The following ANKS1B variants were observed in gnomAD, a reference collection of about 807,000 sequenced individuals.
ANKS1B encodes the protein ankyrin repeat and sterile alpha motif domain containing 1B.
A neutral mutation model predicts 148.3 loss-of-function variants in ANKS1B; 36 were observed. The observed-to-expected ratio is 0.24, with a 90% confidence interval of 0.19 to 0.32. The LOEUF (loss-of-function observed/expected upper bound fraction) is 0.32. ANKS1B is among the 10% of genes least tolerant of loss of function. The pLI is 1.00. For missense variants in ANKS1B, 1,157 were observed against 1,542.6 expected (o/e 0.75, Z 4.19); for synonymous variants, 542 against 560.8 (o/e 0.97, Z 0.47).
At chr12:99,462,691 T>C (rs768834533) in intron 10 of ANKS1B, among the ~76,000 whole-genome samples, 5 of 152,204 alleles carry the variant, frequency 3.3e-5, no homozygotes, top group Admixed American at 6.5e-5. Flanking sequence ...GTTTGTATAC[T>C]TGTCTCCTCC....
At chr12:99,620,252 T>C (rs1161335060) in intron 9 of ANKS1B, among the ~76,000 whole-genome samples, 17 of 152,116 alleles carry the variant, frequency 1.1e-4, no homozygotes, top group Admixed American at 1.1e-3. Flanking sequence ...AAATCCTAGA[T>C]GCATGAGAAT....
At chr12:99,389,370 C>G (rs1017878554) in intron 12 of ANKS1B, among the ~76,000 whole-genome samples, 1 of 152,154 alleles carries the variant, frequency 6.6e-6, no homozygotes, top group African/African-American at 2.4e-5. Context: ...GATAGAAGAT[C>G]TGAATAGAGA....
intron 12 of ANKS1B, among the ~76,000 whole-genome samples, chr12:99,248,345 T>C (rs2074134481): frequency 6.6e-6 from 1 of 152,154 alleles, no homozygotes; most frequent in Non-Finnish European, 1.5e-5. Flanking sequence ...TGCTTGATTT[T>C]TCCAAAGAGA....
At chr12:99,558,446 T>C (rs760204497) in intron 9 of ANKS1B, among the ~76,000 whole-genome samples, 10 of 152,006 alleles carry the variant, frequency 6.6e-5, no homozygotes, top group Non-Finnish European at 1.3e-4. Context: ...TAAAGCAATG[T>C]GTGTGTGTCA....
At chr12:99,728,024 A>G (rs2058777543) in intron 8 of ANKS1B, among the ~76,000 whole-genome samples, 1 of 152,188 alleles carries the variant, frequency 6.6e-6, no homozygotes, top group Non-Finnish European at 1.5e-5. Flanking sequence ...CAAAACCATA[A>G]AAACCCTAGA....
intron 9 of ANKS1B, among the ~76,000 whole-genome samples, chr12:99,546,366 C>T (rs1004419769): frequency 6.6e-6 from 1 of 152,034 alleles, no homozygotes; most frequent in Admixed American, 6.6e-5. Context: ...AGACATTTTC[C>T]ATAAAAATTA....
At chr12:99,642,652 C>T (rs1389332932) in intron 9 of ANKS1B, among the ~76,000 whole-genome samples, 3 of 152,014 alleles carry the variant, frequency 2.0e-5, no homozygotes, top group Non-Finnish European at 2.9e-5. Context: ...CCCATCTCTA[C>T]TAAAAATACA....
intron 15 of ANKS1B, among the ~76,000 whole-genome samples, chr12:99,142,374 T>C (rs1228311961): frequency 6.6e-6 from 1 of 152,058 alleles, no homozygotes; most frequent in African/African-American, 2.4e-5. Context: ...TAAGGCCTGA[T>C]TGTATTTTTC....
chr12:99,608,390 G>A lies in ANKS1B; in HGVS notation c.1272+46677C>T, dbSNP rs116943878. 2.0e-5 allele frequency among the ~76,000 whole-genome samples: 3 copies of A among 152,228 alleles called. No homozygotes were observed. In the East Asian group the frequency reaches 5.8e-4, roughly 29 times the overall value. On this transcript the variant is annotated intron_variant, in intron 9 of 26. Coordinates refer to ENST00000683438, the MANE Select transcript of ANKS1B (RefSeq NM_001352186.2). ...GTCAAACACCTGAGGCTTCTCTTAT[G>A]TGAGGGCACAAGAAACAAAGAGGAT...
intron 9 of ANKS1B, among the ~76,000 whole-genome samples, chr12:99,513,390 G>T (rs892619615): frequency 6.6e-6 from 1 of 152,044 alleles, no homozygotes; most frequent in African/African-American, 2.4e-5. Flanking sequence ...CATTTGTGAA[G>T]TATGTCTGTA....
rs576384662 is a variant in ANKS1B at position 99,857,688 on chromosome 12, T to A, written c.135-32299A>T. Among the ~76,000 whole-genome samples, 15 of 152,012 alleles carry A rather than the reference T, an allele frequency of 9.9e-5. No individual in the cohort carries two copies. In the East Asian group the frequency reaches 1.7e-3, roughly 18 times the overall value. On this transcript the variant is annotated intron_variant, in intron 1 of 26. Coordinates refer to ENST00000683438, the MANE Select transcript of ANKS1B (RefSeq NM_001352186.2). ...AACATAGTACTGGTATAAAAATAGG[T>A]ATATAAGCCAATGGAACAGAATAGA...
intron 9 of ANKS1B, among the ~76,000 whole-genome samples, chr12:99,629,722 G>A (rs2098140351): frequency 6.6e-6 from 1 of 152,018 alleles, no homozygotes. Context: ...TATTAAAAAG[G>A]TAAAATGGTG....
At chr12:99,711,700 T>C (rs2153537265) in intron 8 of ANKS1B, among the ~76,000 whole-genome samples, 1 of 152,230 alleles carries the variant, frequency 6.6e-6, no homozygotes, top group East Asian at 1.9e-4. Flanking sequence ...AAAAAATAGA[T>C]GCTGTCAAGG....
intron 12 of ANKS1B, among the ~76,000 whole-genome samples, chr12:99,331,947 A>C (rs1189929116): frequency 6.6e-6 from 1 of 152,048 alleles, no homozygotes; most frequent in Non-Finnish European, 1.5e-5. Flanking sequence ...AAGGCAGTAA[A>C]GATTAAATAT....
intron 10 of ANKS1B, among the ~76,000 whole-genome samples, chr12:99,444,765 T>A (rs925514031): frequency 5.9e-5 from 9 of 151,984 alleles, no homozygotes; most frequent in African/African-American, 2.2e-4. Context: ...TAGTTCCCAA[T>A]AATTTTCTTT....
rs553538266 is a variant in ANKS1B, at chr12:99,678,172, G to C, written c.1129-22962C>G. ...CTGTTCTACTTAACACAGGAGTGGA[G>C]TACATACTGTTACCAAGAACTGCCA... On this transcript the variant is annotated intron_variant, in intron 8 of 26. Coordinates refer to ENST00000683438, the MANE Select transcript of ANKS1B (RefSeq NM_001352186.2). 3.3e-5 allele frequency among the ~76,000 whole-genome samples: 5 copies of C among 152,250 alleles called. No individual in the cohort carries two copies. The East Asian group carries it at 9.6e-4, about 29-fold the overall frequency.
intron 12 of ANKS1B, among the ~76,000 whole-genome samples, chr12:99,313,293 A>G (rs77877532): frequency 0.037 from 5,571 of 152,332 alleles, 128 homozygotes; most frequent in Non-Finnish European, 0.049. Flanking sequence ...CTAAAAAATA[A>G]AAGTCCAGGA....
intron 8 of ANKS1B, among the ~76,000 whole-genome samples, chr12:99,717,970 C>G (rs1363287763): frequency 7.2e-6 from 1 of 139,256 alleles, no homozygotes; most frequent in East Asian, 2.2e-4. Context: ...GTGGCGCGAT[C>G]TCGGCTCACT....
intron 17 of ANKS1B, among the ~76,000 whole-genome samples, chr12:98,902,094 C>T (rs992329524): frequency 6.6e-6 from 1 of 152,184 alleles, no homozygotes; most frequent in Non-Finnish European, 1.5e-5. Flanking sequence ...ATACTTTTTC[C>T]TGAAGGCAAG....
Sources: gnomAD v4.1 joint callset for allele counts (sites outside exome capture counted in the v4.1 genomes callset) on GRCh38, gnomAD v4.1.1 for gene constraint, MANE v1.5 for transcripts, NCBI Gene and HGNC (gene_info 2026-07-23, HGNC 2026-07-21) for gene names.